The following LRP6 variants were observed in gnomAD, a reference collection of about 807,000 sequenced individuals.
LRP6 encodes the protein low-density lipoprotein receptor-related protein 6.
A neutral mutation model predicts 184.1 loss-of-function variants in LRP6; 43 were observed. That is an observed-to-expected ratio of 0.23 (90% CI 0.18 to 0.30). The LOEUF is 0.30. LRP6 is among the 10% of genes least tolerant of loss of function. The probability of loss-of-function intolerance (pLI) is 1.00; values close to 1 mark genes in which losing one functional copy is unlikely to be tolerated. For missense variants in LRP6, 1,571 were observed against 2,005.3 expected, an observed-to-expected ratio of 0.78 and a Z score of 4.14; for synonymous variants, 719 against 684.9, an observed-to-expected ratio of 1.05 and a Z score of -0.78.
At chr12:12,171,844 A>C (rs1215178294) in intron 7 of LRP6, among the ~76,000 whole-genome samples, 1 of 152,220 alleles carries the variant, frequency 6.6e-6, no homozygotes, top group Non-Finnish European at 1.5e-5. Flanking sequence ...AGTTAACCAT[A>C]GTGAAATAAG....
intron 3 of LRP6, among the ~76,000 whole-genome samples, chr12:12,196,200 AG>A (rs1863755594): frequency 1.4e-5 from 2 of 144,478 alleles, no homozygotes; most frequent in Admixed American, 6.9e-5. Flanking sequence ...TACAAATTTT[AG>A]GATTTTTTTT....
chr12:12,225,637 C>T (rs188063579), intron 2 of LRP6, among the ~76,000 whole-genome samples: 11 of 151,986 alleles, frequency 7.2e-5, no homozygotes, highest in Non-Finnish European at 1.3e-4. Context: ...TTTGAGAGGC[C>T]GAGGCAGGTG....
chr12:12,194,985 TA>T (rs1411793037), intron 3 of LRP6, among the ~76,000 whole-genome samples: 2 of 152,130 alleles, frequency 1.3e-5, no homozygotes, highest in Non-Finnish European at 2.9e-5. Flanking sequence ...CTATGTCACT[TA>T]AGATAACATC....
chr12:12,223,995 C>A lies in LRP6; in HGVS notation c.449+20267G>T, dbSNP rs575706750. Among the ~76,000 whole-genome samples, 4 of 152,294 alleles carry A rather than the reference C, an allele frequency of 2.6e-5. No homozygotes were observed. The South Asian group carries it at 6.2e-4, about 24-fold the overall frequency. ...CAATATTATCAACCAATGTACACTA[C>A]AAGTAAAGAATATGTGCAGTGCCTT... On this transcript the variant is annotated intron_variant, in intron 2 of 22. Transcript: ENST00000261349.
chr12:12,230,076 T>C (rs952701323), intron 2 of LRP6, among the ~76,000 whole-genome samples: 2 of 152,238 alleles, frequency 1.3e-5, no homozygotes, highest in African/African-American at 4.8e-5. Context: ...TATTCATTTG[T>C]AATGCTTTCT....
intron 15 of LRP6, among the ~76,000 whole-genome samples, chr12:12,139,198 T>G (rs1185202784): frequency 6.6e-6 from 1 of 152,228 alleles, no homozygotes; most frequent in East Asian, 1.9e-4. Flanking sequence ...TTATAGAAAG[T>G]TCACGGTTCC....
intron 10 of LRP6, among the ~76,000 whole-genome samples, chr12:12,160,617 TAGA>T (rs1862716306): frequency 6.6e-6 from 1 of 152,220 alleles, no homozygotes; most frequent in Non-Finnish European, 1.5e-5. Context: ...TGTGAAATTT[TAGA>T]ATAATTACTT....
chr12:12,149,294 CT>C (rs1304550869), intron 13 of LRP6, 141 bp from the exon 14 acceptor site: 13 of 718,728 alleles, frequency 1.8e-5, no homozygotes, highest in South Asian at 6.0e-5. Context: ...TTACTGATAC[CT>C]TTTTTTATGG....
At chr12:12,162,474 G>T in intron 9 of LRP6, 55 bp from the exon 10 acceptor site, 5 of 1,472,834 alleles carry the variant, frequency 3.4e-6, no homozygotes, top group Non-Finnish European at 4.8e-6. Flanking sequence ...ACCCTATCCA[G>T]AAAGAAGGTT....
chr12:12,127,014 G>A, intron 19 of LRP6, 93 bp from the exon 20 acceptor site: 1 of 1,012,826 alleles, frequency 9.9e-7, no homozygotes, highest in Non-Finnish European at 1.5e-6. Flanking sequence ...AGGATGTGAA[G>A]CTATAAGCCT....
At chr12:12,260,054 C>T (rs1865572685) in intron 1 of LRP6, among the ~76,000 whole-genome samples, 1 of 152,126 alleles carries the variant, frequency 6.6e-6, no homozygotes, top group Non-Finnish European at 1.5e-5. Context: ...TAATAATCAT[C>T]ACCTAAAATA....
rs553561308 is a variant in LRP6, at chr12:12,162,324, C to T, written c.2148G>A (p.Gly716=). 3.4e-5 allele frequency: 55 copies of T among 1,614,200 alleles called. 1 individual carries two copies. The South Asian group carries it at 5.4e-4, about 16-fold the overall frequency. Residue 716 remains glycine (G), a synonymous_variant, in exon 10 of 23, where the codon GGG becomes GGA. Coordinates refer to ENST00000261349, the MANE Select transcript of LRP6 (RefSeq NM_002336.3). ...CTGTGTCTGCCCAGTACAAGTTCTTCCCAAGCCAGTCTACTGCCATGCCTT... is the reference window on the plus strand; with the variant it reads ...CTGTGTCTGCCCAGTACAAGTTCTTTCCAAGCCAGTCTACTGCCATGCCTT... The part of the protein sequence containing the change: ...YPEGMAVDWL[G]KNLYWADTGT...
intron 4 of LRP6, among the ~76,000 whole-genome samples, chr12:12,185,670 T>C (rs1431703947): frequency 6.6e-6 from 1 of 152,160 alleles, no homozygotes; most frequent in African/African-American, 2.4e-5. Flanking sequence ...CGAGTCATTG[T>C]AAAGGCTGAC....
intron 1 of LRP6, 145 bp downstream of exon 1, chr12:12,266,536 T>G: frequency 8.2e-6 from 6 of 727,976 alleles, no homozygotes; most frequent in African/African-American, 1.8e-5. Context: ...CCCGGGCCCC[T>G]TTCTCTCCCC....
intron 2 of LRP6, among the ~76,000 whole-genome samples, chr12:12,229,720 A>G (rs895971827): frequency 6.6e-6 from 1 of 152,214 alleles, no homozygotes; most frequent in Admixed American, 6.5e-5. Context: ...GCTTTGGGAA[A>G]CAGAAAGTGT....
chr12:12,256,571 C>T (rs1417178846), intron 1 of LRP6, among the ~76,000 whole-genome samples: 1 of 151,924 alleles, frequency 6.6e-6, no homozygotes, highest in Non-Finnish European at 1.5e-5. Flanking sequence ...ACTTTGGGAG[C>T]CAAGGCAGGC....
At position 12,176,468 on chromosome 12, in the gene LRP6, C is replaced by T. The variant is rs142803276; in HGVS notation, c.1545+3342G>A. On this transcript the variant is annotated intron_variant, in intron 7 of 22. Coordinates refer to ENST00000261349, the MANE Select transcript of LRP6 (RefSeq NM_002336.3). ...AAAAATGTGACATCATTAGCAATGC[C>T]CTACGCTCAATCCCTCCTTCCCGAA... Among the ~76,000 whole-genome samples, 336 of 152,206 alleles carry T rather than the reference C, an allele frequency of 2.2e-3. 1 individual carries two copies. Among genetic ancestry groups the T allele is most frequent in the African/African-American group, 7.8e-3 (325 of 41,516 alleles).
At chr12:12,145,977 ACAC>A (rs962917177) in intron 15 of LRP6, among the ~76,000 whole-genome samples, 6 of 152,256 alleles carry the variant, frequency 3.9e-5, no homozygotes, top group Non-Finnish European at 8.8e-5. Flanking sequence ...CACTGTGTAT[ACAC>A]AGTGTATATA....
chr12:12,179,671 G>T, intron 7 of LRP6, 139 bp downstream of exon 7: 1 of 770,352 alleles, frequency 1.3e-6, no homozygotes, highest in Non-Finnish European at 2.1e-6. Flanking sequence ...CATGAAGGTT[G>T]AGTAAAATTT....
Sources: allele counts gnomAD v4.1 joint callset (sites outside exome capture counted in the v4.1 genomes callset), GRCh38; gene constraint gnomAD v4.1.1; transcripts MANE v1.5; gene names NCBI Gene and HGNC (gene_info 2026-07-23, HGNC 2026-07-21).